Variants in OPA1 observed in about 807,000 individuals in gnomAD.
The protein encoded by OPA1 is dynamin-like GTPase OPA1, mitochondrial.
A neutral mutation model predicts 152.9 loss-of-function variants in OPA1; 59 were observed. The ratio of observed to expected loss-of-function variants is 0.39; its 90% CI spans 0.31 to 0.48. The LOEUF (loss-of-function observed/expected upper bound fraction) is 0.48, where lower values mean the gene tolerates loss of function less well. OPA1 is among the 20% of genes least tolerant of loss of function. The pLI is 0.96. For missense variants in OPA1, 1,008 were observed against 1,216.8 expected (o/e 0.83, Z 2.55); for synonymous variants, 400 against 389.9 (o/e 1.03, Z -0.31).
chr3:193,686,561 A>G (rs1720960589), intron 29 of OPA1, among the ~76,000 whole-genome samples: 1 of 152,206 alleles, frequency 6.6e-6, no homozygotes, highest in Non-Finnish European at 1.5e-5. Context: ...CTAAGATTTT[A>G]GCTACAGTTT....
At chr3:193,616,173 G>A (rs970085849) in intron 3 of OPA1, among the ~76,000 whole-genome samples, 25 of 151,994 alleles carry the variant, frequency 1.6e-4, no homozygotes, top group African/African-American at 5.1e-4. Context: ...CACCATGCCC[G>A]ACTGATTTTT....
intron 26 of OPA1, among the ~76,000 whole-genome samples, chr3:193,663,967 G>A (rs187829004): frequency 8.0e-4 from 121 of 152,130 alleles, no homozygotes; most frequent in African/African-American, 2.9e-3. Context: ...ACTTTTAAAC[G>A]TTATGTGGCA....
intron 7 of OPA1, 29 bp from the exon 8 acceptor site, chr3:193,631,583 A>G: frequency 1.3e-6 from 2 of 1,547,176 alleles, no homozygotes; most frequent in Non-Finnish European, 1.8e-6. Context: ...ACCTAATTCT[A>G]TTCAACTAAA....
chr3:193,600,870 AT>A (rs1726354864), intron 1 of OPA1, among the ~76,000 whole-genome samples: 1 of 152,092 alleles, frequency 6.6e-6, no homozygotes, highest in South Asian at 2.1e-4. Context: ...CTCTTGAGAG[AT>A]TTCTTTATTG....
intron 29 of OPA1, among the ~76,000 whole-genome samples, chr3:193,670,388 C>CTTT (rs35561884): frequency 2.8e-5 from 4 of 140,654 alleles, no homozygotes; most frequent in African/African-American, 7.8e-5. Flanking sequence ...TCCCCCCCAC[C>CTTT]TTTTTTTTTT....
intron 29 of OPA1, chr3:193,668,260 C>A: frequency 7.6e-7 from 1 of 1,321,296 alleles, no homozygotes; most frequent in South Asian, 1.3e-5. Context: ...ATATTTTGGT[C>A]AGTCCTCCTA....
intron 1 of OPA1, among the ~76,000 whole-genome samples, chr3:193,609,857 C>A (rs918666048): frequency 6.6e-6 from 1 of 152,186 alleles, no homozygotes; most frequent in Non-Finnish European, 1.5e-5. Context: ...GCATCCGTCA[C>A]GTAGTTCTCG....
In OPA1 at chr3:193,632,438, G is replaced by A. The variant is rs530384407; in HGVS notation, c.843+773G>A. On this transcript the variant is annotated intron_variant, in intron 8 of 30. Transcript: ENST00000361510. Reference sequence around the variant, plus strand: ...GGAGCTTGCAGTGAGCCCAGATGGCGCCACTGCACTCCAGCCTGGGCGACA... The same window carrying A: ...GGAGCTTGCAGTGAGCCCAGATGGCACCACTGCACTCCAGCCTGGGCGACA... Among the ~76,000 whole-genome samples the A allele has an allele frequency of 2.9e-4, 44 of 152,100 alleles. No homozygotes were observed. The South Asian group carries it at 8.3e-3, about 29-fold the overall frequency.
chr3:193,606,765 C>A (rs938485570), intron 1 of OPA1, among the ~76,000 whole-genome samples: 1 of 152,148 alleles, frequency 6.6e-6, no homozygotes, highest in African/African-American at 2.4e-5. Flanking sequence ...GATTTATAAT[C>A]CTTTGGGTAT....
chr3:193,676,776 C>G (rs536207155), intron 29 of OPA1, among the ~76,000 whole-genome samples: 6 of 152,132 alleles, frequency 3.9e-5, no homozygotes, highest in Admixed American at 6.5e-5. Flanking sequence ...GTCAGGAGAT[C>G]CAGACCATCC....
chr3:193,683,251 C>G (rs1347164343), intron 29 of OPA1, among the ~76,000 whole-genome samples: 2 of 146,284 alleles, frequency 1.4e-5, no homozygotes, highest in South Asian at 2.1e-4. Flanking sequence ...TATGGACAAG[C>G]AAAGAAAGTG....
intron 4 of OPA1, 136 bp downstream of exon 4, chr3:193,617,421 G>A: frequency 1.5e-6 from 1 of 658,934 alleles, no homozygotes; most frequent in East Asian, 2.7e-5. Flanking sequence ...TTTTTAAAAA[G>A]ATAAACACAA....
At chr3:193,615,585 T>G in intron 2 of OPA1, 89 bp from the exon 3 acceptor site, 2 of 811,388 alleles carry the variant, frequency 2.5e-6, no homozygotes, top group Non-Finnish European at 4.4e-6. Context: ...TTATTCTTAG[T>G]AGATTAATGT....
chr3:193,599,943 C>T (rs563330241), intron 1 of OPA1, among the ~76,000 whole-genome samples: 1 of 152,290 alleles, frequency 6.6e-6, no homozygotes, highest in African/African-American at 2.4e-5. Context: ...TACAGCTCGG[C>T]GTTTGCCTTA....
chr3:193,639,533 C>A (rs1733437429), intron 11 of OPA1, among the ~76,000 whole-genome samples: 1 of 152,164 alleles, frequency 6.6e-6, no homozygotes, highest in Non-Finnish European at 1.5e-5. Context: ...GTTCAAGGAA[C>A]AACAAAGAGG....
At chr3:193,687,613 C>G (rs1721091374) in intron 29 of OPA1, among the ~76,000 whole-genome samples, 1 of 152,162 alleles carries the variant, frequency 6.6e-6, no homozygotes, top group Non-Finnish European at 1.5e-5. Flanking sequence ...AATTTGAAAG[C>G]ACCGTGATAC....
In OPA1 at chr3:193,657,098, CAAG is replaced by C; in HGVS notation, c.2203_2205del (p.Glu735del). ...ATTATAGGTTGCTTGGGAGACCCTA[CAAG>C]AAGAATTTTCCCGCTTTATGACAGA... On this transcript the variant is annotated inframe_deletion, in exon 23 of 31. Transcript: ENST00000361510. 1.2e-6 allele frequency: 2 copies of C among 1,613,062 alleles called. No homozygotes were observed. The highest frequency in any genetic ancestry group is 2.2e-5 in the East Asian group (1 of 44,832).
intron 21 of OPA1, among the ~76,000 whole-genome samples, chr3:193,653,917 A>G (rs1369781576): frequency 6.6e-6 from 1 of 152,230 alleles, no homozygotes; most frequent in Non-Finnish European, 1.5e-5. Flanking sequence ...AGTGTTGGCA[A>G]GGATGTAGAG....
intron 25 of OPA1, among the ~76,000 whole-genome samples, chr3:193,661,964 A>G (rs1715366216): frequency 6.6e-6 from 1 of 152,130 alleles, no homozygotes; most frequent in Non-Finnish European, 1.5e-5. Context: ...GTTTGCATTT[A>G]TGTGTTAATC....
Sources: allele counts gnomAD v4.1 joint callset (sites outside exome capture counted in the v4.1 genomes callset), GRCh38; gene constraint gnomAD v4.1.1; transcripts MANE v1.5; gene names NCBI Gene and HGNC (gene_info 2026-07-23, HGNC 2026-07-21).